Variants in NRG3 observed in about 807,000 individuals in gnomAD.
NRG3 encodes pro-neuregulin-3, membrane-bound isoform.
In NRG3, 31 loss-of-function variants were observed where a neutral mutation model predicts 66.9. The observed-to-expected ratio is 0.46, with a 90% confidence interval of 0.35 to 0.63. NRG3 has a LOEUF of 0.63. Ranked by LOEUF, NRG3 falls within the 20% of genes least tolerant of loss-of-function variation. The pLI is 0.00. For missense variants in NRG3, 910 were observed against 878.9 expected (o/e 1.04, Z -0.45); for synonymous variants, 393 against 359.4 (o/e 1.09, Z -1.06).
intron 1 of NRG3, among the ~76,000 whole-genome samples, chr10:82,097,441 A>C (rs543443788): frequency 2.3e-5 from 3 of 132,398 alleles, no homozygotes; most frequent in Admixed American, 7.7e-5. Flanking sequence ...ATATATATAT[A>C]TCTGTAATAT....
chr10:81,948,087 T>C (rs1849009357), intron 1 of NRG3, among the ~76,000 whole-genome samples: 1 of 152,210 alleles, frequency 6.6e-6, no homozygotes, highest in Non-Finnish European at 1.5e-5. Context: ...TCCTTCAGAC[T>C]CAAGTAACTG....
intron 1 of NRG3, among the ~76,000 whole-genome samples, chr10:81,957,846 T>C (rs967188060): frequency 6.6e-6 from 1 of 152,248 alleles, no homozygotes; most frequent in African/African-American, 2.4e-5. Context: ...AAAATTTGTA[T>C]GTAAACTGCT....
chr10:82,683,637 A>C (rs561561513), intron 2 of NRG3, among the ~76,000 whole-genome samples: 10 of 152,344 alleles, frequency 6.6e-5, no homozygotes, highest in South Asian at 6.2e-4. Context: ...AAAAACTATA[A>C]GTAGCAGATG....
In NRG3 at chr10:81,875,996, A is replaced by C. The variant is rs770451178; in HGVS notation, c.656A>C (p.Gln219Pro). 1 of 1,614,084 alleles carries C rather than the reference A, an allele frequency of 6.2e-7. No individual in the cohort carries two copies. The highest frequency in any genetic ancestry group is 8.5e-7 in the Non-Finnish European group (1 of 1,180,022). ...RPPVPGTPST[Q>P]AMPSWPTAAY... Reference sequence around the variant, plus strand: ...CCGGTGCCAGGAACTCCAAGTACCCAGGCAATGCCCTCCTGGCCTACTGCG... The same window carrying C: ...CCGGTGCCAGGAACTCCAAGTACCCCGGCAATGCCCTCCTGGCCTACTGCG... Residue 219 changes from glutamine to proline, a missense_variant, in exon 1 of 9, where the codon CAG becomes CCG. Transcript: ENST00000372141. This position sits in a 1 kb window ranked among gnomAD's most constrained non-coding sequence, Gnocchi z 5.3.
At chr10:81,943,529 C>T (rs1244860060) in intron 1 of NRG3, among the ~76,000 whole-genome samples, 1 of 152,144 alleles carries the variant, frequency 6.6e-6, no homozygotes, top group African/African-American at 2.4e-5. Context: ...TGAAATCTTG[C>T]AACTTCCATC....
At position 82,203,144 on chromosome 10, in the gene NRG3, A is replaced by T. The variant is rs372988172; in HGVS notation, c.824-155595A>T. On this transcript the variant is annotated intron_variant, in intron 1 of 8. Transcript: ENST00000372141. ...GTCATGTGTAGGACGGATTATAGAA[A>T]AGAGTGAAGACACAGCAACCAGCCA... Among the ~76,000 whole-genome samples, 6 of 152,304 alleles carry T rather than the reference A, an allele frequency of 3.9e-5. No individual in the cohort carries two copies. The East Asian group carries it at 1.2e-3, about 29-fold the overall frequency.
At chr10:82,843,313 T>G in intron 3 of NRG3, 1 of 443,856 alleles carries the variant, frequency 2.3e-6, no homozygotes, top group Non-Finnish European at 4.5e-6. Flanking sequence ...AAAGGACAAT[T>G]TAGCTCCCTT....
intron 1 of NRG3, among the ~76,000 whole-genome samples, chr10:82,130,620 T>TAATA (rs1436944830): frequency 6.6e-6 from 1 of 152,178 alleles, no homozygotes. Context: ...ACCTCTATAT[T>TAATA]GTTCTCTATA....
intron 2 of NRG3, among the ~76,000 whole-genome samples, chr10:82,693,679 C>T (rs1322367769): frequency 1.3e-5 from 2 of 152,160 alleles, no homozygotes; most frequent in Non-Finnish European, 1.5e-5. Context: ...AATGAAGCCA[C>T]GGACCTTGCA....
Position 82,755,166 on chromosome 10 carries a change from T to A in NRG3, c.1027+16516T>A, listed in dbSNP as rs1243680968. Among the ~76,000 whole-genome samples, 3 of 152,068 alleles carry A rather than the reference T, an allele frequency of 2.0e-5. No individual in the cohort carries two copies. The South Asian group carries it at 6.2e-4, about 32-fold the overall frequency. On this transcript the variant is annotated intron_variant, in intron 3 of 8. Transcript: ENST00000372141. ...AACAAACATGATTCACAGCAACCAT[T>A]GTAGTATTATCAGTAAACAAGGCTC...
intron 4 of NRG3, among the ~76,000 whole-genome samples, chr10:82,879,095 G>T (rs967028533): frequency 2.6e-5 from 4 of 151,878 alleles, no homozygotes; most frequent in African/African-American, 9.7e-5. Context: ...AACTTCTTTT[G>T]TTTCTCCACT....
At chr10:82,887,163 G>A (rs1591832937) in intron 4 of NRG3, among the ~76,000 whole-genome samples, 2 of 152,308 alleles carry the variant, frequency 1.3e-5, no homozygotes, top group Admixed American at 6.5e-5. Context: ...CTACTACCGT[G>A]CTGCATTCAT....
intron 1 of NRG3, among the ~76,000 whole-genome samples, chr10:82,038,032 A>T (rs930799030): frequency 6.6e-6 from 1 of 151,922 alleles, no homozygotes; most frequent in Non-Finnish European, 1.5e-5. Flanking sequence ...GGAAAACCCA[A>T]ATATGCTTTT....
intron 3 of NRG3, among the ~76,000 whole-genome samples, chr10:82,758,167 G>A (rs2059154664): frequency 6.6e-6 from 1 of 152,052 alleles, no homozygotes; most frequent in Non-Finnish European, 1.5e-5. Context: ...TGTCATTTGA[G>A]GTTGACCTTT....
At chr10:82,352,711 G>A (rs901956866) in intron 1 of NRG3, among the ~76,000 whole-genome samples, 6 of 152,062 alleles carry the variant, frequency 3.9e-5, no homozygotes, top group African/African-American at 1.4e-4. Context: ...GGCCTGAGGG[G>A]ACATGGGAAA....
intron 6 of NRG3, among the ~76,000 whole-genome samples, chr10:82,973,398 G>T (rs1045202330): frequency 6.6e-6 from 1 of 152,144 alleles, no homozygotes; most frequent in African/African-American, 2.4e-5. Flanking sequence ...AATAAGTGTT[G>T]ATTCAATCCT....
At chr10:82,026,456 G>C (rs2062311118) in intron 1 of NRG3, among the ~76,000 whole-genome samples, 1 of 152,020 alleles carries the variant, frequency 6.6e-6, no homozygotes, top group African/African-American at 2.4e-5. Flanking sequence ...TCTTGCTTCT[G>C]ATACGTGTTA....
chr10:82,040,142 C>G (rs2062966231), intron 1 of NRG3, among the ~76,000 whole-genome samples: 1 of 152,056 alleles, frequency 6.6e-6, no homozygotes, highest in Non-Finnish European at 1.5e-5. Context: ...CTGCCATTTT[C>G]TAATTTCGTT....
chr10:82,864,832 A>G (rs1840548295), intron 3 of NRG3, among the ~76,000 whole-genome samples: 1 of 152,198 alleles, frequency 6.6e-6, no homozygotes, highest in African/African-American at 2.4e-5. Flanking sequence ...GAAGTGTCTC[A>G]GATTTTGTAA....
Sources: allele counts gnomAD v4.1 joint callset (sites outside exome capture counted in the v4.1 genomes callset), GRCh38; gene constraint gnomAD v4.1.1; non-coding constraint Gnocchi (gnomAD v3.1); transcripts MANE v1.5; gene names NCBI Gene and HGNC (gene_info 2026-07-23, HGNC 2026-07-21).